VSNL1: variants seen among roughly 807,000 people sequenced by gnomAD.
VSNL1 encodes visinin-like protein 1.
In VSNL1, 6 loss-of-function variants were observed where a neutral mutation model predicts 20.4. That is an observed-to-expected ratio of 0.29 (90% CI 0.16 to 0.58). The LOEUF is 0.58. Ranked by LOEUF, VSNL1 falls within the 20% of genes least tolerant of loss-of-function variation. The pLI is 0.90. For missense variants in VSNL1, 100 were observed against 234.5 expected (o/e 0.43, Z 3.75); for synonymous variants, 93 against 86.4 (o/e 1.08, Z -0.42).
chr2:17,650,199 C>G (rs1666095153), intron 3 of VSNL1, among the ~76,000 whole-genome samples: 1 of 152,196 alleles, frequency 6.6e-6, no homozygotes, highest in Non-Finnish European at 1.5e-5. Context: ...CTCCCCTGGC[C>G]TCTGGGGGCT....
chr2:17,652,090 TCTCTA>T (rs1488442567), intron 3 of VSNL1, among the ~76,000 whole-genome samples: 3 of 152,238 alleles, frequency 2.0e-5, no homozygotes, highest in Non-Finnish European at 4.4e-5. Context: ...TAGTGAGGTT[TCTCTA>T]CTCTGGCTGG....
At chr2:17,592,300 T>C (rs1384322468) in intron 2 of VSNL1, 64 bp downstream of exon 2, 14 of 1,528,330 alleles carry the variant, frequency 9.2e-6, no homozygotes, top group Non-Finnish European at 1.3e-5. Flanking sequence ...CATGAAATTG[T>C]ACCCTCACAT....
chr2:17,587,318 G>A (rs1373983649), intron 1 of VSNL1, among the ~76,000 whole-genome samples: 1 of 148,254 alleles, frequency 6.7e-6, no homozygotes, highest in Non-Finnish European at 1.5e-5. Context: ...ACTGGATTTA[G>A]ATACAGTAGG....
chr2:17,630,555 G>C (rs1057193202), intron 2 of VSNL1, among the ~76,000 whole-genome samples: 3 of 152,128 alleles, frequency 2.0e-5, no homozygotes, highest in Admixed American at 6.5e-5. Flanking sequence ...TTTGCCACTT[G>C]ATCTAATTAT....
intron 1 of VSNL1, among the ~76,000 whole-genome samples, chr2:17,557,438 A>G (rs1365073840): frequency 1.3e-5 from 2 of 152,224 alleles, no homozygotes; most frequent in African/African-American, 4.8e-5. Context: ...AGGAATGGAT[A>G]TTAAACAAAT....
intron 2 of VSNL1, among the ~76,000 whole-genome samples, chr2:17,599,702 G>A (rs1213661954): frequency 6.6e-6 from 1 of 152,088 alleles, no homozygotes; most frequent in Non-Finnish European, 1.5e-5. Context: ...TTTCACCAAG[G>A]CCTATGAAAT....
chr2:17,591,921 G>A lies in VSNL1; in HGVS notation c.-5-149G>A, dbSNP rs2103375845. The A allele has an allele frequency of 4.0e-6, 3 of 741,124 alleles. No homozygotes were observed. In the East Asian group the frequency reaches 8.1e-5, roughly 20 times the overall value. 45.9% of individuals were successfully genotyped at this position (741,124 alleles called of 1,614,324 possible). A position where few individuals can be genotyped will look rare whatever the true frequency, so the allele number is the denominator to read the frequency against. On this transcript the variant is annotated intron_variant, in intron 1 of 3. Coordinates refer to ENST00000295156, the MANE Select transcript of VSNL1 (RefSeq NM_003385.5). ...CTCATATATTTTTCTAGAATACCAA[G>A]TAGAAGGAGGCAGACTTGGGAAGAT...
chr2:17,551,246 A>G (rs2103339050), intron 1 of VSNL1, among the ~76,000 whole-genome samples: 1 of 152,342 alleles, frequency 6.6e-6, no homozygotes, highest in African/African-American at 2.4e-5. Flanking sequence ...ACAGCAGAGC[A>G]AGTAATACAA....
intron 1 of VSNL1, among the ~76,000 whole-genome samples, chr2:17,582,841 G>A (rs1433938167): frequency 6.6e-6 from 1 of 151,652 alleles, no homozygotes; most frequent in African/African-American, 2.4e-5. Flanking sequence ...CTCCCCTAAA[G>A]ACCTGGAAAG....
chr2:17,626,499 T>C (rs560105828), intron 2 of VSNL1, among the ~76,000 whole-genome samples: 140 of 152,276 alleles, frequency 9.2e-4, no homozygotes, highest in African/African-American at 3.3e-3. Flanking sequence ...AATGCCCATT[T>C]CCTGCCATTC....
chr2:17,550,908 A>G (rs965513454), intron 1 of VSNL1, among the ~76,000 whole-genome samples: 1 of 152,184 alleles, frequency 6.6e-6, no homozygotes. Context: ...ACACATAATC[A>G]CTGTATACAT....
At chr2:17,626,686 T>TA (rs1253967259) in intron 2 of VSNL1, among the ~76,000 whole-genome samples, 2 of 152,058 alleles carry the variant, frequency 1.3e-5, no homozygotes, top group Non-Finnish European at 2.9e-5. Flanking sequence ...CCTATCAACT[T>TA]ATGGCTGACC....
At chr2:17,633,587 A>G (rs1416970803) in intron 2 of VSNL1, among the ~76,000 whole-genome samples, 1 of 152,082 alleles carries the variant, frequency 6.6e-6, no homozygotes, top group Non-Finnish European at 1.5e-5. Context: ...ACCTTCACCT[A>G]TCGAGTTAGT....
chr2:17,602,987 A>T (rs543511263), intron 2 of VSNL1, among the ~76,000 whole-genome samples: 123 of 152,248 alleles, frequency 8.1e-4, no homozygotes, highest in Non-Finnish European at 1.5e-3. Flanking sequence ...AATCTGTGTA[A>T]ATAGCTAGAA....
chr2:17,571,449 T>C (rs1436600818), intron 1 of VSNL1, among the ~76,000 whole-genome samples: 1 of 152,208 alleles, frequency 6.6e-6, no homozygotes, highest in Non-Finnish European at 1.5e-5. Flanking sequence ...AAGTTGACGT[T>C]TCTTTCAACC....
Position 17,655,064 on chromosome 2 carries a change from G to C in VSNL1, c.379-133G>C. 2.4e-6 allele frequency: 2 copies of C among 841,220 alleles called. No homozygotes were observed. Among genetic ancestry groups the C allele is most frequent in the Non-Finnish European group, 3.7e-6 (2 of 537,204 alleles). 52.1% of individuals were successfully genotyped at this position (841,220 alleles called of 1,614,324 possible). ...CACAGAAACTTGCAGCACAAGGAGT[G>C]AAACTCCTCTGGGGAAAGGGAAGCT... On this transcript the variant is annotated intron_variant, in intron 3 of 3. Transcript: ENST00000295156. This position sits in a 1 kb window ranked among gnomAD's most constrained non-coding sequence, Gnocchi z 5.2.
At chr2:17,546,928 GA>G (rs1279494190) in intron 1 of VSNL1, among the ~76,000 whole-genome samples, 1 of 151,220 alleles carries the variant, frequency 6.6e-6, no homozygotes, top group Non-Finnish European at 1.5e-5. Context: ...AAAATTTTAT[GA>G]AAAATGAAAG....
At chr2:17,584,569 A>C (rs1395996378) in intron 1 of VSNL1, among the ~76,000 whole-genome samples, 1 of 152,130 alleles carries the variant, frequency 6.6e-6, no homozygotes, top group African/African-American at 2.4e-5. Flanking sequence ...AGAGTCAGGG[A>C]TATACCATTT....
chr2:17,590,442 T>C (rs1452978814), intron 1 of VSNL1, among the ~76,000 whole-genome samples: 2 of 152,112 alleles, frequency 1.3e-5, no homozygotes, highest in Non-Finnish European at 2.9e-5. Flanking sequence ...TTATAAGAGA[T>C]TTGGAACTTG....
Sources: gnomAD v4.1 joint callset for allele counts (sites outside exome capture counted in the v4.1 genomes callset) on GRCh38, gnomAD v4.1.1 for gene constraint, Gnocchi (gnomAD v3.1) non-coding constraint, MANE v1.5 for transcripts, NCBI Gene and HGNC (gene_info 2026-07-23, HGNC 2026-07-21) for gene names.